CEP85L: variants seen among roughly 807,000 people sequenced by gnomAD.
The protein encoded by CEP85L is centrosomal protein of 85 kDa-like.
Under a neutral mutation model 100.3 loss-of-function variants are expected in CEP85L, and 60 were observed. The ratio of observed to expected loss-of-function variants is 0.60; its 90% confidence interval spans 0.49 to 0.74. CEP85L has a LOEUF of 0.74. CEP85L is among the 30% of genes least tolerant of loss of function. CEP85L has a pLI of 0.00. For synonymous variants in CEP85L, 319 were observed against 322.7 expected (o/e 0.99, Z 0.12); for missense variants, 973 against 936.2 (o/e 1.04, Z -0.51).
At chr6:118,629,592 C>T (rs567958950) in intron 2 of CEP85L, among the ~76,000 whole-genome samples, 1 of 152,262 alleles carries the variant, frequency 6.6e-6, no homozygotes, top group African/African-American at 2.4e-5. Context: ...AATGGTACAG[C>T]CTCTTTGGAA....
At chr6:118,509,816 T>C (rs1292642773) in intron 5 of CEP85L, among the ~76,000 whole-genome samples, 5 of 152,058 alleles carry the variant, frequency 3.3e-5, no homozygotes, top group African/African-American at 1.2e-4. Context: ...ATATAAAGTT[T>C]ATATAAAAAT....
chr6:118,544,193 T>C (rs549980270), intron 3 of CEP85L, among the ~76,000 whole-genome samples: 144 of 152,302 alleles, frequency 9.5e-4, no homozygotes, highest in African/African-American at 3.3e-3. Flanking sequence ...TTCTTAACAA[T>C]GTAACAGCAT....
intron 1 of CEP85L, among the ~76,000 whole-genome samples, chr6:118,689,441 T>C (rs1414939172): frequency 6.6e-6 from 1 of 152,168 alleles, no homozygotes; most frequent in East Asian, 1.9e-4. Flanking sequence ...AGGAAAATGG[T>C]CTCAAAATCT....
chr6:118,662,060 T>C (rs1442555075), intron 1 of CEP85L, among the ~76,000 whole-genome samples: 1 of 152,194 alleles, frequency 6.6e-6, no homozygotes, highest in East Asian at 1.9e-4. Context: ...AATAGGATCA[T>C]GTTGGAAAAG....
intron 4 of CEP85L, among the ~76,000 whole-genome samples, chr6:118,517,629 G>C (rs1223457756): frequency 1.3e-5 from 2 of 152,222 alleles, no homozygotes; most frequent in Non-Finnish European, 2.9e-5. Flanking sequence ...GGCTCAAGGA[G>C]ATTTTGGGCT....
intron 4 of CEP85L, 109 bp from the exon 5 acceptor site, chr6:118,511,524 T>C: frequency 1.5e-6 from 1 of 654,074 alleles, no homozygotes; most frequent in Admixed American, 2.8e-5. Flanking sequence ...TCTTAGATTC[T>C]AACAGTCACA....
intron 2 of CEP85L, among the ~76,000 whole-genome samples, chr6:118,568,123 T>A (rs1779658864): frequency 6.6e-6 from 1 of 152,152 alleles, no homozygotes; most frequent in African/African-American, 2.4e-5. Flanking sequence ...TTTTGGGTGA[T>A]ACAGGCAACA....
chr6:118,507,538 T>G (rs554546521), intron 5 of CEP85L, among the ~76,000 whole-genome samples: 175 of 152,308 alleles, frequency 1.1e-3, no homozygotes, highest in Non-Finnish European at 2.0e-3. Context: ...GGGCCAGCCC[T>G]AAGCAAACCT....
intron 6 of CEP85L, among the ~76,000 whole-genome samples, chr6:118,485,489 A>G (rs1774113208): frequency 6.6e-6 from 1 of 152,230 alleles, no homozygotes; most frequent in African/African-American, 2.4e-5. Flanking sequence ...AACACTGGTA[A>G]GACAAACACA....
At chr6:118,649,682 G>A (rs1268461225) in intron 1 of CEP85L, among the ~76,000 whole-genome samples, 1 of 151,888 alleles carries the variant, frequency 6.6e-6, no homozygotes, top group East Asian at 1.9e-4. Context: ...TGAATAATCT[G>A]TAAACTCGGG....
At chr6:118,472,189 G>T (rs1243349695) in intron 10 of CEP85L, among the ~76,000 whole-genome samples, 2 of 152,046 alleles carry the variant, frequency 1.3e-5, no homozygotes, top group Non-Finnish European at 2.9e-5. Context: ...GAGTCATGTT[G>T]AATGTGACTA....
At chr6:118,589,903 T>C (rs993334957) in intron 2 of CEP85L, among the ~76,000 whole-genome samples, 1 of 152,256 alleles carries the variant, frequency 6.6e-6, no homozygotes, top group African/African-American at 2.4e-5. Flanking sequence ...AATGCATATT[T>C]CTGTTTGTGT....
chr6:118,627,886 C>A (rs535479678), intron 2 of CEP85L, among the ~76,000 whole-genome samples: 10 of 152,278 alleles, frequency 6.6e-5, no homozygotes, highest in African/African-American at 2.4e-4. Flanking sequence ...CAACTCCAGT[C>A]AATTCTAGTC....
At chr6:118,564,891 T>G (rs891314467) in intron 3 of CEP85L, 1 of 152,188 alleles carries the variant, frequency 6.6e-6, no homozygotes, top group Non-Finnish European at 1.5e-5. Flanking sequence ...ATTTACATGC[T>G]ATTCCCTAGA....
intron 1 of CEP85L, among the ~76,000 whole-genome samples, chr6:118,675,099 C>T (rs578231678): frequency 2.0e-5 from 3 of 152,272 alleles, no homozygotes; most frequent in African/African-American, 7.2e-5. Flanking sequence ...GTGTTACACA[C>T]ACACCCACAC....
chr6:118,550,591 CA>C, intron 3 of CEP85L, among the ~76,000 whole-genome samples: 1 of 151,806 alleles, frequency 6.6e-6, no homozygotes, highest in South Asian at 2.1e-4. Context: ...AGGAAAGATG[CA>C]AAAAGGTGAA....
chr6:118,576,995 C>T (rs2115055008), intron 2 of CEP85L, among the ~76,000 whole-genome samples: 1 of 152,252 alleles, frequency 6.6e-6, no homozygotes, highest in African/African-American at 2.4e-5. Flanking sequence ...CGGGCATGAA[C>T]TGTATGGTAG....
At chr6:118,602,159 C>A (rs2115180943) in intron 2 of CEP85L, among the ~76,000 whole-genome samples, 1 of 152,206 alleles carries the variant, frequency 6.6e-6, no homozygotes, top group Non-Finnish European at 1.5e-5. Context: ...ATATTCCTGC[C>A]TAAGTATGAG....
rs1429696067 is a variant in CEP85L, at chr6:118,463,212, T to C, written c.*2193A>G. On this transcript the variant is annotated 3_prime_UTR_variant, in exon 13 of 13. Coordinates refer to ENST00000368491, the MANE Select transcript of CEP85L (RefSeq NM_001042475.3). ...CCAACTAAGCCAAAAAACAAAAACG[T>C]ATCTATAGTAGATTAAAACAAACTG... 6.6e-6 allele frequency: 1 copy of C among 151,868 alleles called. No individual in the cohort carries two copies. Among genetic ancestry groups the C allele is most frequent in the Non-Finnish European group, 1.5e-5 (1 of 67,872 alleles). The allele number at this position is 151,868 out of a possible 1,614,324, so 9.4% of individuals were successfully genotyped here. A position where few individuals can be genotyped will look rare whatever the true frequency, so the allele number is the denominator to read the frequency against.
Sources: allele counts gnomAD v4.1 joint callset (sites outside exome capture counted in the v4.1 genomes callset), GRCh38; gene constraint gnomAD v4.1.1; transcripts MANE v1.5; gene names NCBI Gene and HGNC (gene_info 2026-07-23, HGNC 2026-07-21).